The following ITPRID2 variants were observed in gnomAD, a reference collection of about 807,000 sequenced individuals.
The protein encoded by ITPRID2 is ITPR interacting domain containing 2.
A neutral mutation model predicts 124.3 loss-of-function variants in ITPRID2; 60 were observed. That is an observed-to-expected ratio of 0.48 (90% CI 0.39 to 0.60). The LOEUF is 0.60. Among genes scored for constraint, ITPRID2 ranks in the 20% least tolerant of loss-of-function variants. The probability of loss-of-function intolerance (pLI) is 0.00; values close to 1 mark genes in which losing one functional copy is unlikely to be tolerated. For synonymous variants in ITPRID2, 521 were observed against 542.9 expected, an observed-to-expected ratio of 0.96 and a Z score of 0.56; for missense variants, 1,553 against 1,512.2, an observed-to-expected ratio of 1.03 and a Z score of -0.45.
At position 181,898,787 on chromosome 2, in the gene ITPRID2, AT is replaced by A. The variant is rs1692421381; in HGVS notation, c.365-92del. 9.9e-6 allele frequency: 9 copies of A among 906,244 alleles called. No individual in the cohort carries two copies. In the East Asian group the frequency reaches 2.2e-4, roughly 22 times the overall value. The allele number at this position is 906,244 out of a possible 1,614,324, so 56.1% of individuals were successfully genotyped here. A position where few individuals can be genotyped will look rare whatever the true frequency, so the allele number is the denominator to read the frequency against. Reference sequence around the variant, plus strand: ...TTAATATATTTGGCATTTAATTCTAATATTGTAGGTAATTAGATTTCTTGAT... The same window carrying A: ...TTAATATATTTGGCATTTAATTCTAAATTGTAGGTAATTAGATTTCTTGAT... On this transcript the variant is annotated intron_variant, in intron 4 of 17. Transcript: ENST00000431877.
In ITPRID2 at chr2:181,892,260, C is replaced by T. The variant is rs939561540; in HGVS notation, c.194C>T (p.Pro65Leu). The change falls in exon 1 of 18, where the codon CCG becomes CTG. Residue 65 changes from proline to leucine, a missense_variant. Transcript: ENST00000431877. The surrounding 1 kb of genome is among the most constrained non-coding windows in gnomAD (Gnocchi z 5.2). The part of the protein sequence containing the change: ...EEEDLPGAQL[P>L]AAGGRGNVPN... ...GAGGACCTCCCCGGCGCGCAGCTGCCGGCAGCGGGGGGAAGAGGTCGGTGC... is the reference window on the plus strand; with the variant it reads ...GAGGACCTCCCCGGCGCGCAGCTGCTGGCAGCGGGGGGAAGAGGTCGGTGC... 1.3e-6 allele frequency: 2 copies of T among 1,548,334 alleles called. No individual in the cohort carries two copies. Among genetic ancestry groups the T allele is most frequent in the African/African-American group, 1.4e-5 (1 of 73,104 alleles).
chr2:181,916,213 T>C lies in ITPRID2; in HGVS notation c.2573T>C (p.Leu858Pro). 1 of 1,614,206 alleles carries C rather than the reference T, an allele frequency of 6.2e-7. No homozygotes were observed. Among genetic ancestry groups the C allele is most frequent in the South Asian group, 1.1e-5 (1 of 91,084 alleles). Residue 858 changes from leucine (L) to proline (P), a missense_variant, in exon 11 of 18, where the codon CTG becomes CCG. By Grantham distance (98) the Leu-to-Pro change is moderately conservative. Transcript: ENST00000431877. ...CACTCTGAGTGGCAAGAAAGGCCCC[T>C]GTGTGAGCACACAAGAACTCTGAGC... The part of the protein sequence containing the change: ...SIHSEWQERP[L>P]CEHTRTLSTH...
rs61736565 is a variant in ITPRID2 at position 181,922,272 on chromosome 2, G to A, written c.3535G>A (p.Asp1179Asn). The A allele has an allele frequency of 6.2e-7, 1 of 1,614,222 alleles. No individual in the cohort carries two copies. The highest frequency in any genetic ancestry group is 8.5e-7 in the Non-Finnish European group (1 of 1,180,042). ...AGATTTGGAAAGTTCTGAGGAAGTT[G>A]ATGCAGCTGAAGGAGCCCCAGAAGT... ...PPDLESSEEVDAAEGAPEVVG... is the reference protein window; with the variant it reads ...PPDLESSEEVNAAEGAPEVVG... The change falls in exon 16 of 18, where the codon GAT becomes AAT. Residue 1179 changes from aspartate to asparagine, a missense_variant. Physicochemically the swap from Asp to Asn is conservative, Grantham distance 23. Coordinates refer to ENST00000431877, the MANE Select transcript of ITPRID2 (RefSeq NM_001130445.3).
chr2:181,916,469 T>C, intron 11 of ITPRID2, 42 bp downstream of exon 11: 1 of 1,569,904 alleles, frequency 6.4e-7, no homozygotes, highest in Non-Finnish European at 8.6e-7. Flanking sequence ...TTTCTTTTAC[T>C]GCTCTGAGCA....
Position 181,902,014 on chromosome 2 carries a change from G to T in ITPRID2, c.961G>T (p.Ala321Ser). The change falls in exon 8 of 18, where the codon GCT (alanine) becomes TCT (serine). Residue 321 changes from alanine (A) to serine (S), a missense_variant. By Grantham distance (99) the Ala-to-Ser change is moderately conservative. Transcript: ENST00000431877. The surrounding 1 kb of genome is among the most constrained non-coding windows in gnomAD (Gnocchi z 4.4). Reference sequence around the variant, plus strand: ...AGAAAGTAGTAGTCCTTCTCCATCAGCTGAAAAAGGAAAGATTCTAAATGT... The same window carrying T: ...AGAAAGTAGTAGTCCTTCTCCATCATCTGAAAAAGGAAAGATTCTAAATGT... ...KGESSSPSPS[A>S]EKGKILNVSV... 1 of 1,613,678 alleles carries T rather than the reference G, an allele frequency of 6.2e-7. No homozygotes were observed. The highest frequency in any genetic ancestry group is 8.5e-7 in the Non-Finnish European group (1 of 1,179,838).
Position 181,930,544 on chromosome 2 carries a change from T to C in ITPRID2, c.*997T>C, listed in dbSNP as rs548147999. ...AACCACCAAATGTTATTAGAATTTTTCTTCTAGCATTTATAATTTTTTCAA... is the reference window on the plus strand; with the variant it reads ...AACCACCAAATGTTATTAGAATTTTCCTTCTAGCATTTATAATTTTTTCAA... On this transcript the variant is annotated 3_prime_UTR_variant, in exon 18 of 18. Transcript: ENST00000431877. The C allele has an allele frequency of 6.5e-6, 1 of 152,722 alleles. No homozygotes were observed. The highest frequency in any genetic ancestry group is 2.4e-5 in the African/African-American group (1 of 41,584). The allele number at this position is 152,722 out of a possible 1,614,324, so 9.5% of individuals were successfully genotyped here.
At chr2:181,903,317 T>C (rs1427245292) in intron 8 of ITPRID2, among the ~76,000 whole-genome samples, 3 of 152,198 alleles carry the variant, frequency 2.0e-5, no homozygotes, top group Non-Finnish European at 2.9e-5. Context: ...AACTGAGGCA[T>C]ATGTATGCTA....
At chr2:181,908,652 A>C (rs1693349560) in intron 8 of ITPRID2, among the ~76,000 whole-genome samples, 1 of 152,204 alleles carries the variant, frequency 6.6e-6, no homozygotes, top group African/African-American at 2.4e-5. Context: ...AGATTCATAA[A>C]CTTCGGTTCC....
chr2:181,891,883 C>T lies in ITPRID2; in HGVS notation c.-184C>T, dbSNP rs895180813. ...CATGTGAAGCGCCGGCCCTCCGCCC[C>T]TTCCCTCCCCTTCCTTCCCTCCCTC... On this transcript the variant is annotated 5_prime_UTR_variant, in exon 1 of 18. Transcript: ENST00000431877. 5.0e-5 allele frequency: 18 copies of T among 359,186 alleles called. No individual in the cohort carries two copies. Among genetic ancestry groups the T allele is most frequent in the Non-Finnish European group, 6.2e-5 (12 of 193,824 alleles). The allele number at this position is 359,186 out of a possible 1,614,324, so 22.2% of individuals were successfully genotyped here.
intron 8 of ITPRID2, among the ~76,000 whole-genome samples, chr2:181,906,136 T>C (rs1448982740): frequency 6.6e-6 from 1 of 152,234 alleles, no homozygotes; most frequent in Non-Finnish European, 1.5e-5. Context: ...CATAAACTAG[T>C]ACGGAAAGAG....
At position 181,910,245 on chromosome 2, in the gene ITPRID2, C is replaced by G. The variant is rs1025756264; in HGVS notation, c.1486+274C>G. 6.6e-6 allele frequency among the ~76,000 whole-genome samples: 1 copy of G among 152,082 alleles called. No individual in the cohort carries two copies. The highest frequency in any genetic ancestry group is 2.1e-4 in the South Asian group (1 of 4,826). ...AGTATTTTACACTATTGCATAAGAG[C>G]TAGTTGGGAAGTGATAGAGCAATGG... On this transcript the variant is annotated intron_variant, in intron 9 of 17. Coordinates refer to ENST00000431877, the MANE Select transcript of ITPRID2 (RefSeq NM_001130445.3). This position sits in a 1 kb window ranked among gnomAD's most constrained non-coding sequence, Gnocchi z 4.1.
At position 181,910,683 on chromosome 2, in the gene ITPRID2, T is replaced by G. The variant is rs1350784236; in HGVS notation, c.1486+712T>G. The stretch of plus-strand genomic sequence containing the variant: ...ACATGCTGAACCACCCTGTTTTTTT[T>G]TTAAACAAAGATTCGTATGTATGTT... On this transcript the variant is annotated intron_variant, in intron 9 of 17. Transcript: ENST00000431877. The surrounding 1 kb of genome is among the most constrained non-coding windows in gnomAD (Gnocchi z 4.1). 1.5e-6 allele frequency: 1 copy of G among 650,604 alleles called. No individual in the cohort carries two copies. Among genetic ancestry groups the G allele is most frequent in the East Asian group, 2.9e-5 (1 of 34,486 alleles). 40.3% of individuals were successfully genotyped at this position (650,604 alleles called of 1,614,324 possible).
chr2:181,928,657 G>T (rs373657462), intron 17 of ITPRID2, among the ~76,000 whole-genome samples: 1 of 148,542 alleles, frequency 6.7e-6, no homozygotes, highest in African/African-American at 2.5e-5. Context: ...ACAGAGTCTC[G>T]CTCTGTCGCC....
rs1198479934 is a variant in ITPRID2, at chr2:181,919,773, T to G, written c.3144+327T>G. ...TAATGTAAATTTTAATTGTTGCATG[T>G]AACTGCAGAGAACACAGATGCATAT... On this transcript the variant is annotated intron_variant, in intron 14 of 17. Transcript: ENST00000431877. The surrounding 1 kb of genome is among the most constrained non-coding windows in gnomAD (Gnocchi z 4.2). Among the ~76,000 whole-genome samples the G allele has an allele frequency of 1.3e-5, 2 of 152,094 alleles. No homozygotes were observed. Among genetic ancestry groups the G allele is most frequent in the South Asian group, 2.1e-4 (1 of 4,832 alleles).
chr2:181,899,993 CT>C (rs1692531316), intron 6 of ITPRID2, among the ~76,000 whole-genome samples: 1 of 152,218 alleles, frequency 6.6e-6, no homozygotes. Flanking sequence ...AAATGTCTCT[CT>C]GTTGAAGTTC....
Position 181,920,583 on chromosome 2 carries a change from T to G in ITPRID2, c.3145-14T>G. 1.2e-6 allele frequency: 2 copies of G among 1,603,514 alleles called. No individual in the cohort carries two copies. Among genetic ancestry groups the G allele is most frequent in the Non-Finnish European group, 1.7e-6 (2 of 1,171,052 alleles). On this transcript the variant is annotated splice_polypyrimidine_tract_variant and intron_variant, in intron 14 of 17. Coordinates refer to ENST00000431877, the MANE Select transcript of ITPRID2 (RefSeq NM_001130445.3). ...ACACACATATACATATATATATTGT[T>G]CTTACCTTTTCAGGGAATGTGTGGC... is the stretch of plus-strand genomic sequence containing the variant.
chr2:181,910,359 G>C lies in ITPRID2; in HGVS notation c.1486+388G>C. 2.0e-6 allele frequency: 1 copy of C among 494,584 alleles called. No homozygotes were observed. Among genetic ancestry groups the C allele is most frequent in the East Asian group, 3.4e-5 (1 of 29,798 alleles). The allele number at this position is 494,584 out of a possible 1,614,324, so 30.6% of individuals were successfully genotyped here. ...TTCACTATATAAATATAGCTCCTAGGTATAACACATGAATATTCCTCTAGC... is the reference window on the plus strand; with the variant it reads ...TTCACTATATAAATATAGCTCCTAGCTATAACACATGAATATTCCTCTAGC... On this transcript the variant is annotated intron_variant, in intron 9 of 17. Transcript: ENST00000431877. This position sits in a 1 kb window ranked among gnomAD's most constrained non-coding sequence, Gnocchi z 4.1.
chr2:181,912,514 T>G (rs927501473), intron 9 of ITPRID2, among the ~76,000 whole-genome samples: 1 of 152,238 alleles, frequency 6.6e-6, no homozygotes. Context: ...GGGAAAAATG[T>G]ATTCCATGGA....
rs1313692676 is a variant in ITPRID2 at position 181,928,225 on chromosome 2, C to A, written c.3740C>A (p.Ser1247Tyr). 1.5e-5 allele frequency: 23 copies of A among 1,550,808 alleles called. No homozygotes were observed. Among genetic ancestry groups the A allele is most frequent in the Non-Finnish European group, 2.0e-5 (23 of 1,146,582 alleles). The part of the protein sequence containing the change: ...EIVSGLLAAV[S>Y]SSKASNSKQD... The stretch of plus-strand genomic sequence containing the variant: ...GTAAGTGGACTTTTGGCAGCAGTAT[C>A]TTCAAGTAAAGCGTCTAATTCTAAG... The change falls in exon 17 of 18, where the codon TCT (serine) becomes TAT (tyrosine). Residue 1247 changes from serine (S) to tyrosine (Y), a missense_variant. Ser to Tyr is a moderately radical substitution (Grantham distance 144, BLOSUM62 -2). Transcript: ENST00000431877.
Sources: gnomAD v4.1 joint callset for allele counts (sites outside exome capture counted in the v4.1 genomes callset) on GRCh38, gnomAD v4.1.1 for gene constraint, Gnocchi (gnomAD v3.1) non-coding constraint, MANE v1.5 for transcripts, NCBI Gene and HGNC (gene_info 2026-07-23, HGNC 2026-07-21) for gene names.